Variants in DENND5A observed in about 807,000 individuals in gnomAD.
DENND5A encodes the protein DENN domain containing 5A.
A neutral mutation model predicts 140.3 loss-of-function variants in DENND5A; 64 were observed. The observed-to-expected ratio is 0.46, with a 90% CI of 0.37 to 0.56. The LOEUF (loss-of-function observed/expected upper bound fraction) is 0.56. DENND5A is among the 20% of genes least tolerant of loss of function. The pLI is 0.00. For missense variants in DENND5A, 1,292 were observed against 1,593.8 expected (o/e 0.81, Z 3.22); for synonymous variants, 605 against 607.7 (o/e 1.00, Z 0.07).
At chr11:9,235,137 A>G (rs1355551578) in intron 1 of DENND5A, among the ~76,000 whole-genome samples, 1 of 152,194 alleles carries the variant, frequency 6.6e-6, no homozygotes, top group Non-Finnish European at 1.5e-5. Context: ...CCATTCTTGG[A>G]TATATACATA....
chr11:9,188,115 G>T (rs960985530), intron 5 of DENND5A, among the ~76,000 whole-genome samples: 1 of 152,152 alleles, frequency 6.6e-6, no homozygotes, highest in African/African-American at 2.4e-5. Context: ...GACCCAGTGG[G>T]GGATAGTTGA....
chr11:9,260,787 C>A (rs976468646), intron 1 of DENND5A, among the ~76,000 whole-genome samples: 1 of 152,170 alleles, frequency 6.6e-6, no homozygotes, highest in Non-Finnish European at 1.5e-5. Flanking sequence ...ATCCAATTAC[C>A]TCAGTCTATA....
rs756270710 is a variant in DENND5A, at chr11:9,193,450, C to G, written c.1137+44G>C. 7 of 1,471,302 alleles carry G rather than the reference C, an allele frequency of 4.8e-6. No individual in the cohort carries two copies. The African/African-American group carries it at 8.6e-5, about 18-fold the overall frequency. 91.1% of individuals were successfully genotyped at this position (1,471,302 alleles called of 1,614,324 possible). A position where few individuals can be genotyped will look rare whatever the true frequency, so the allele number is the denominator to read the frequency against. Reference sequence around the variant, plus strand: ...GTTCATCCCAAAGCCCTTCTCTCCCCAATCCTGGATTGGGGCCAGAGGCAC... The same window carrying G: ...GTTCATCCCAAAGCCCTTCTCTCCCGAATCCTGGATTGGGGCCAGAGGCAC... On this transcript the variant is annotated intron_variant, in intron 5 of 22. Transcript: ENST00000328194.
At chr11:9,171,032 G>A in intron 8 of DENND5A, 1 of 493,144 alleles carries the variant, frequency 2.0e-6, no homozygotes, top group Non-Finnish European at 3.4e-6. Context: ...GTAACCCCTA[G>A]AACTATCCCA....
intron 4 of DENND5A, among the ~76,000 whole-genome samples, chr11:9,200,873 C>A (rs1849497917): frequency 6.6e-6 from 1 of 152,200 alleles, no homozygotes; most frequent in Admixed American, 6.5e-5. Context: ...CTAAGTTATT[C>A]ATTTATTTAA....
intron 8 of DENND5A, among the ~76,000 whole-genome samples, chr11:9,173,817 T>C (rs1033973331): frequency 2.0e-5 from 3 of 151,846 alleles, no homozygotes; most frequent in Non-Finnish European, 2.9e-5. Flanking sequence ...ATAAAAAAAA[T>C]TGAAAGGCCG....
At chr11:9,169,528 C>CAA (rs71313483) in intron 10 of DENND5A, among the ~76,000 whole-genome samples, 2 of 150,272 alleles carry the variant, frequency 1.3e-5, no homozygotes, top group Non-Finnish European at 3.0e-5. Context: ...CACACACACA[C>CAA]AAAACTCACA....
intron 11 of DENND5A, among the ~76,000 whole-genome samples, chr11:9,162,974 G>A (rs1363704126): frequency 6.6e-6 from 1 of 151,910 alleles, no homozygotes; most frequent in Non-Finnish European, 1.5e-5. Context: ...AAGTAGCTGG[G>A]ATCACAGGTG....
At chr11:9,253,975 T>C (rs537744307) in intron 1 of DENND5A, among the ~76,000 whole-genome samples, 3 of 152,028 alleles carry the variant, frequency 2.0e-5, no homozygotes, top group South Asian at 4.2e-4. Flanking sequence ...CTGACCAACA[T>C]GGAGAAACCC....
chr11:9,243,304 T>C (rs1385363979), intron 1 of DENND5A, among the ~76,000 whole-genome samples: 1 of 152,124 alleles, frequency 6.6e-6, no homozygotes, highest in Non-Finnish European at 1.5e-5. Flanking sequence ...AATGTACTAC[T>C]TTTAATACGC....
At chr11:9,250,220 T>C (rs1367031840) in intron 1 of DENND5A, among the ~76,000 whole-genome samples, 2 of 150,962 alleles carry the variant, frequency 1.3e-5, no homozygotes, top group African/African-American at 4.9e-5. Flanking sequence ...TTTTTTTCCT[T>C]CAAAGAAGAC....
At chr11:9,183,934 C>A (rs1023713040) in intron 5 of DENND5A, among the ~76,000 whole-genome samples, 6 of 152,008 alleles carry the variant, frequency 3.9e-5, no homozygotes, top group African/African-American at 7.2e-5. Context: ...CCCTGTAATC[C>A]CAGCTACTAG....
At chr11:9,227,745 G>A (rs974658128) in intron 1 of DENND5A, among the ~76,000 whole-genome samples, 2 of 151,598 alleles carry the variant, frequency 1.3e-5, no homozygotes, top group African/African-American at 2.4e-5. Flanking sequence ...ATCACCTGAC[G>A]CCAGTTCAAG....
intron 1 of DENND5A, among the ~76,000 whole-genome samples, chr11:9,259,469 G>GTCCCA (rs1852095246): frequency 6.6e-6 from 1 of 152,050 alleles, no homozygotes; most frequent in Admixed American, 6.6e-5. Flanking sequence ...CGGAGGCTGA[G>GTCCCA]GCAGGAGAAT....
intron 5 of DENND5A, among the ~76,000 whole-genome samples, chr11:9,185,675 T>C (rs945748730): frequency 6.6e-6 from 1 of 152,136 alleles, no homozygotes; most frequent in African/African-American, 2.4e-5. Context: ...TTAAGATGTA[T>C]ATGTGTCTGT....
chr11:9,141,743 T>C (rs1420461960), intron 22 of DENND5A, among the ~76,000 whole-genome samples, 197 bp downstream of exon 22: 1 of 152,192 alleles, frequency 6.6e-6, no homozygotes, highest in Non-Finnish European at 1.5e-5. Flanking sequence ...TGACAAATGT[T>C]GTTACGCAGC....
At chr11:9,140,467 C>T (rs1369520271) in intron 22 of DENND5A, among the ~76,000 whole-genome samples, 2 of 152,216 alleles carry the variant, frequency 1.3e-5, no homozygotes, top group African/African-American at 4.8e-5. Context: ...ATTTGAGCTT[C>T]ATGCTCTCTC....
intron 15 of DENND5A, among the ~76,000 whole-genome samples, chr11:9,148,449 A>T (rs1402379276): frequency 6.6e-6 from 1 of 152,234 alleles, no homozygotes; most frequent in Non-Finnish European, 1.5e-5. Context: ...CCCTAGAAAA[A>T]GAGACAGCCA....
intron 8 of DENND5A, 106 bp downstream of exon 8, chr11:9,178,026 A>G: frequency 1.2e-6 from 1 of 816,196 alleles, no homozygotes; most frequent in Non-Finnish European, 2.1e-6. Context: ...TGGGAACCAC[A>G]TACACAAAGG....
Sources: allele counts gnomAD v4.1 joint callset (sites outside exome capture counted in the v4.1 genomes callset), GRCh38; gene constraint gnomAD v4.1.1; transcripts MANE v1.5; gene names NCBI Gene and HGNC (gene_info 2026-07-23, HGNC 2026-07-21).